Variants in ELP4 observed in about 807,000 individuals in gnomAD.
ELP4 encodes elongator acetyltransferase complex subunit 4.
In ELP4, 51 loss-of-function variants were observed where a neutral mutation model predicts 48.9. The observed-to-expected ratio is 1.04, with a 90% confidence interval of 0.83 to 1.32. The LOEUF (loss-of-function observed/expected upper bound fraction) is 1.32. Ranked by LOEUF, ELP4 falls within the 40% of genes most tolerant of loss-of-function variation. ELP4 has a pLI of 0.00. For synonymous variants in ELP4, 210 were observed against 189.2 expected (o/e 1.11, Z -0.90); for missense variants, 519 against 514.6 (o/e 1.01, Z -0.08).
intron 9 of ELP4, among the ~76,000 whole-genome samples, chr11:31,728,521 C>G (rs1423849027): frequency 6.6e-6 from 1 of 151,990 alleles, no homozygotes; most frequent in Non-Finnish European, 1.5e-5. Context: ...CCCAGCTAAC[C>G]AATAGTAAGT....
At chr11:31,735,678 T>A (rs1018649394) in intron 9 of ELP4, among the ~76,000 whole-genome samples, 8 of 151,918 alleles carry the variant, frequency 5.3e-5, no homozygotes, top group Non-Finnish European at 8.8e-5. Flanking sequence ...TTATACACCA[T>A]TAACAGACAA....
At position 31,594,912 on chromosome 11, in the gene ELP4, A is replaced by T; in HGVS notation, c.513+11A>T. 1 of 1,547,436 alleles carries T rather than the reference A, an allele frequency of 6.5e-7. No homozygotes were observed. Among genetic ancestry groups the T allele is most frequent in the Non-Finnish European group, 8.6e-7 (1 of 1,157,346 alleles). On this transcript the variant is annotated intron_variant, in intron 4 of 9. Transcript: ENST00000640961. Reference sequence around the variant, plus strand: ...TTACCCAAGATGGAGGCAAGTAAACATACAAATTCTTTCCAAAATTTGCAA... The same window carrying T: ...TTACCCAAGATGGAGGCAAGTAAACTTACAAATTCTTTCCAAAATTTGCAA...
At chr11:31,745,542 G>A (rs904293821) in intron 9 of ELP4, among the ~76,000 whole-genome samples, 1 of 152,074 alleles carries the variant, frequency 6.6e-6, no homozygotes. Context: ...CCAAAACAGA[G>A]ATATAGACCA....
intron 3 of ELP4, among the ~76,000 whole-genome samples, chr11:31,543,385 T>A (rs199776543): frequency 6.6e-6 from 1 of 152,240 alleles, no homozygotes; most frequent in East Asian, 1.9e-4. Context: ...AGTGGTGTGA[T>A]CTTGGCCCAC....
At chr11:31,552,013 G>T (rs1227999351) in intron 3 of ELP4, among the ~76,000 whole-genome samples, 1 of 152,084 alleles carries the variant, frequency 6.6e-6, no homozygotes, top group Admixed American at 6.6e-5. Context: ...AATAAAATTT[G>T]AGATATTTTA....
intron 3 of ELP4, among the ~76,000 whole-genome samples, chr11:31,557,938 G>C (rs979931421): frequency 6.6e-6 from 1 of 151,702 alleles, no homozygotes; most frequent in African/African-American, 2.4e-5. Flanking sequence ...AACTATTTTA[G>C]CACTATATAT....
intron 3 of ELP4, among the ~76,000 whole-genome samples, chr11:31,559,379 T>A (rs181730115): frequency 7.9e-5 from 12 of 152,334 alleles, no homozygotes; most frequent in Admixed American, 1.3e-4. Flanking sequence ...TGTTTGTTGT[T>A]TATATAATAT....
At chr11:31,548,804 C>T (rs1202807997) in intron 3 of ELP4, among the ~76,000 whole-genome samples, 3 of 152,166 alleles carry the variant, frequency 2.0e-5, no homozygotes, top group African/African-American at 4.8e-5. Context: ...ATCAATGGAA[C>T]AGAACAGAGC....
chr11:31,664,954 G>C (rs946769971), intron 9 of ELP4, among the ~76,000 whole-genome samples: 1 of 152,088 alleles, frequency 6.6e-6, no homozygotes, highest in African/African-American at 2.4e-5. Flanking sequence ...CCAAGCTGTA[G>C]TATGCATCTC....
At chr11:31,685,880 G>T (rs1374251360) in intron 9 of ELP4, among the ~76,000 whole-genome samples, 1 of 150,322 alleles carries the variant, frequency 6.7e-6, no homozygotes, top group Non-Finnish European at 1.5e-5. Flanking sequence ...ACAGTGATCC[G>T]AGATCACGCC....
chr11:31,728,675 C>T (rs988158692), intron 9 of ELP4, among the ~76,000 whole-genome samples: 12 of 152,260 alleles, frequency 7.9e-5, no homozygotes, highest in African/African-American at 2.9e-4. Context: ...ACAGCAAACC[C>T]AGCTCCCTTC....
intron 7 of ELP4, among the ~76,000 whole-genome samples, chr11:31,639,939 A>T (rs991891890): frequency 6.6e-6 from 1 of 151,932 alleles, no homozygotes; most frequent in African/African-American, 2.4e-5. Flanking sequence ...TTAGGGCCAA[A>T]CTTTTCAAAT....
At chr11:31,559,569 A>C (rs1408979536) in intron 3 of ELP4, among the ~76,000 whole-genome samples, 1 of 152,210 alleles carries the variant, frequency 6.6e-6, no homozygotes. Context: ...TTATGTCTTC[A>C]CTAGTTACCT....
intron 9 of ELP4, among the ~76,000 whole-genome samples, chr11:31,768,592 A>G (rs559780110): frequency 1.3e-5 from 2 of 152,164 alleles, no homozygotes; most frequent in Non-Finnish European, 2.9e-5. Context: ...TAAAACATAA[A>G]ATTAATTTTC....
chr11:31,672,375 T>A (rs948532644), intron 9 of ELP4, among the ~76,000 whole-genome samples: 12 of 152,220 alleles, frequency 7.9e-5, no homozygotes, highest in African/African-American at 2.7e-4. Context: ...GACTTAGAAG[T>A]CTTTTGTTAT....
chr11:31,752,947 C>T (rs1424610606), intron 9 of ELP4, among the ~76,000 whole-genome samples: 2 of 152,098 alleles, frequency 1.3e-5, no homozygotes, highest in Non-Finnish European at 2.9e-5. Flanking sequence ...GACCTGAGAC[C>T]TAGGACTTGG....
At chr11:31,694,378 T>G (rs1189605332) in intron 9 of ELP4, among the ~76,000 whole-genome samples, 1 of 152,238 alleles carries the variant, frequency 6.6e-6, no homozygotes, top group Non-Finnish European at 1.5e-5. Context: ...GCTTTCTACA[T>G]ATGGCTAGCC....
At chr11:31,695,678 T>G (rs1294420996) in intron 9 of ELP4, among the ~76,000 whole-genome samples, 1 of 150,934 alleles carries the variant, frequency 6.6e-6, no homozygotes, top group East Asian at 1.9e-4. Flanking sequence ...GATGCTGGCC[T>G]CATAAAATGA....
chr11:31,578,170 A>G (rs946307784), intron 3 of ELP4, among the ~76,000 whole-genome samples: 1 of 152,226 alleles, frequency 6.6e-6, no homozygotes, highest in Non-Finnish European at 1.5e-5. Context: ...GAGCCAAATC[A>G]TGAGTGAACT....
Sources: allele counts gnomAD v4.1 joint callset (sites outside exome capture counted in the v4.1 genomes callset), GRCh38; gene constraint gnomAD v4.1.1; transcripts MANE v1.5; gene names NCBI Gene and HGNC (gene_info 2026-07-23, HGNC 2026-07-21).